PALS1: variants seen among roughly 807,000 people sequenced by gnomAD.
The protein encoded by PALS1 is protein associated with LIN7 1, MAGUK p55 family member.
PALS1 carries 31 observed loss-of-function variants against 78.9 expected under a neutral mutation model. That is an observed-to-expected ratio of 0.39 (90% CI 0.30 to 0.53). PALS1 has a LOEUF of 0.53. Among genes scored for constraint, PALS1 ranks in the 20% least tolerant of loss-of-function variants. PALS1 has a pLI of 0.67. For synonymous variants in PALS1, 276 were observed against 270.9 expected (o/e 1.02, Z -0.18); for missense variants, 704 against 826.5 (o/e 0.85, Z 1.82).
intron 8 of PALS1, among the ~76,000 whole-genome samples, chr14:67,305,955 C>G (rs997983884): frequency 6.6e-6 from 1 of 152,200 alleles, no homozygotes; most frequent in East Asian, 1.9e-4. Flanking sequence ...AATGCCACAT[C>G]TATCCCTTTT....
intron 7 of PALS1, among the ~76,000 whole-genome samples, chr14:67,302,877 C>G (rs1359233401): frequency 1.3e-5 from 2 of 152,136 alleles, no homozygotes; most frequent in Non-Finnish European, 2.9e-5. Context: ...ACTTGGGAAA[C>G]AGTAACAAAA....
At chr14:67,307,485 A>G (rs1039003421) in intron 8 of PALS1, among the ~76,000 whole-genome samples, 1 of 152,216 alleles carries the variant, frequency 6.6e-6, no homozygotes, top group Non-Finnish European at 1.5e-5. Flanking sequence ...CATATAAGCT[A>G]TTATTATGAT....
chr14:67,256,686 T>C (rs1451431153), intron 1 of PALS1, among the ~76,000 whole-genome samples: 1 of 152,130 alleles, frequency 6.6e-6, no homozygotes, highest in Non-Finnish European at 1.5e-5. Context: ...TAGCTGGGAT[T>C]ACAGGCATGT....
chr14:67,274,734 T>C (rs548409205), intron 2 of PALS1, among the ~76,000 whole-genome samples: 11 of 152,214 alleles, frequency 7.2e-5, no homozygotes, highest in Non-Finnish European at 1.6e-4. Context: ...TTTCACGATA[T>C]TGATTCTTCC....
intron 1 of PALS1, among the ~76,000 whole-genome samples, chr14:67,243,337 G>A (rs2083934289): frequency 6.6e-6 from 1 of 151,458 alleles, no homozygotes; most frequent in Non-Finnish European, 1.5e-5. Context: ...ACAGGTGCTC[G>A]CCACCACACC....
In PALS1 at chr14:67,334,948, T is replaced by TGTTAA. The variant is rs1304080797; in HGVS notation, c.*1997_*2001dup. The TGTTAA allele has an allele frequency of 2.6e-5, 4 of 152,328 alleles. No homozygotes were observed. Among genetic ancestry groups the TGTTAA allele is most frequent in the Admixed American group, 6.5e-5 (1 of 15,290 alleles). 9.4% of individuals were successfully genotyped at this position (152,328 alleles called of 1,614,324 possible). A position where few individuals can be genotyped will look rare whatever the true frequency, so the allele number is the denominator to read the frequency against. On this transcript the variant is annotated 3_prime_UTR_variant, in exon 15 of 15. Coordinates refer to ENST00000261681, the MANE Select transcript of PALS1 (RefSeq NM_022474.4). Reference sequence around the variant, plus strand: ...CAAGAGCTAAACTATTGGCAGTTCATGTTAAGTTAGAGTGAGGGTGTAGGT... The same window carrying TGTTAA: ...CAAGAGCTAAACTATTGGCAGTTCATGTTAAGTTAAGTTAGAGTGAGGGTGTAGGT...
intron 8 of PALS1, among the ~76,000 whole-genome samples, chr14:67,311,446 CA>C (rs2085087719): frequency 6.6e-6 from 1 of 152,024 alleles, no homozygotes; most frequent in Admixed American, 6.6e-5. Context: ...CAGAAATGCT[CA>C]CTGCAAATAT....
intron 14 of PALS1, among the ~76,000 whole-genome samples, chr14:67,332,467 T>G (rs551786874): frequency 6.6e-6 from 1 of 152,320 alleles, no homozygotes; most frequent in East Asian, 1.9e-4. Context: ...AAAACAAATG[T>G]TTGTAGGGAA....
chr14:67,312,469 T>C (rs2085104905), intron 8 of PALS1, 58 bp from the exon 9 acceptor site: 6 of 1,231,302 alleles, frequency 4.9e-6, no homozygotes, highest in Non-Finnish European at 6.5e-6. Context: ...TAAATTGTAT[T>C]CATATGAAAC....
intron 1 of PALS1, among the ~76,000 whole-genome samples, chr14:67,246,782 G>A (rs1031770431): frequency 6.6e-6 from 1 of 150,636 alleles, no homozygotes; most frequent in Non-Finnish European, 1.5e-5. Flanking sequence ...CTCCCAAGTA[G>A]CTGGGATTAT....
intron 3 of PALS1, among the ~76,000 whole-genome samples, chr14:67,290,207 G>A (rs2084752119): frequency 6.6e-6 from 1 of 152,142 alleles, no homozygotes; most frequent in African/African-American, 2.4e-5. Flanking sequence ...AGGAAAGAGG[G>A]AATGGGAGGT....
In PALS1 at chr14:67,334,737, T is replaced by A. The variant is rs1214334014; in HGVS notation, c.*1781T>A. On this transcript the variant is annotated 3_prime_UTR_variant, in exon 15 of 15. Transcript: ENST00000261681. ...TACTGTCTCTTCAGATCTGAAATAC[T>A]CCAGTTTAGAGCCAGGAAATTTCAC... 2.0e-5 allele frequency: 3 copies of A among 152,236 alleles called. No individual in the cohort carries two copies. In the East Asian group the frequency reaches 5.8e-4, roughly 29 times the overall value. 9.4% of individuals were successfully genotyped at this position (152,236 alleles called of 1,614,324 possible).
chr14:67,306,703 T>C (rs1337337924), intron 8 of PALS1, among the ~76,000 whole-genome samples: 2 of 152,162 alleles, frequency 1.3e-5, no homozygotes, highest in Admixed American at 6.5e-5. Context: ...TAACTCTCAA[T>C]TGCAATATAT....
intron 14 of PALS1, among the ~76,000 whole-genome samples, chr14:67,329,508 C>T (rs1449874609): frequency 2.0e-5 from 3 of 152,154 alleles, no homozygotes; most frequent in Non-Finnish European, 4.4e-5. Flanking sequence ...GAACTTCCAA[C>T]ACTGTGTTGA....
At chr14:67,300,997 A>G (rs2084925692) in intron 4 of PALS1, among the ~76,000 whole-genome samples, 1 of 152,166 alleles carries the variant, frequency 6.6e-6, no homozygotes, top group African/African-American at 2.4e-5. Flanking sequence ...CAGCCTGACT[A>G]TAACTCTTTA....
intron 12 of PALS1, among the ~76,000 whole-genome samples, chr14:67,320,741 C>A (rs962640234): frequency 6.6e-6 from 1 of 151,966 alleles, no homozygotes; most frequent in Non-Finnish European, 1.5e-5. Context: ...TTATATGGTA[C>A]CTAATCTTAT....
intron 3 of PALS1, among the ~76,000 whole-genome samples, chr14:67,290,344 A>G (rs1856152712): frequency 2.0e-5 from 3 of 152,204 alleles, no homozygotes; most frequent in Admixed American, 6.5e-5. Flanking sequence ...GTTCTGATAG[A>G]CCAGTGAAAT....
chr14:67,268,737 C>A (rs1271868825), intron 1 of PALS1, among the ~76,000 whole-genome samples: 3 of 152,140 alleles, frequency 2.0e-5, no homozygotes, highest in Admixed American at 6.5e-5. Flanking sequence ...CTTCTTTACC[C>A]CAACCTGTTT....
chr14:67,262,885 T>G (rs1489061366), intron 1 of PALS1, among the ~76,000 whole-genome samples: 1 of 152,198 alleles, frequency 6.6e-6, no homozygotes. Flanking sequence ...GCAGGTAATT[T>G]TAAACCACAT....
Sources: gnomAD v4.1 joint callset for allele counts (sites outside exome capture counted in the v4.1 genomes callset) on GRCh38, gnomAD v4.1.1 for gene constraint, MANE v1.5 for transcripts, NCBI Gene and HGNC (gene_info 2026-07-23, HGNC 2026-07-21) for gene names.